The following ZNF483 variants were observed in gnomAD, a reference collection of about 807,000 sequenced individuals.
ZNF483 encodes zinc finger protein 483, also known as zinc finger protein HIT-10.
Under a neutral mutation model 28.6 loss-of-function variants are expected in ZNF483, and 9 were observed. The ratio of observed to expected loss-of-function variants is 0.32; its 90% CI spans 0.19 to 0.55. The LOEUF is 0.55. Ranked by LOEUF, ZNF483 falls within the 20% of genes least tolerant of loss-of-function variation. ZNF483 has a pLI of 0.93. For synonymous variants in ZNF483, 322 were observed against 306.2 expected (o/e 1.05, Z -0.54); for missense variants, 675 against 871.7 (o/e 0.77, Z 2.84).
chr9:111,561,108 T>TAGAGAGAG lies in ZNF483; in HGVS notation c.722-15256_722-15255insGAGAGAGA, dbSNP rs1468727296. Among the ~76,000 whole-genome samples the TAGAGAGAG allele has an allele frequency of 2.3e-3, 47 of 20,858 alleles. 1 individual carries two copies. The highest frequency in any genetic ancestry group is 3.5e-3 in the African/African-American group (9 of 2,556). The allele number at this position is 20,858 out of a possible 152,430, so 13.7% of individuals were successfully genotyped here. A position where few individuals can be genotyped will look rare whatever the true frequency, so the allele number is the denominator to read the frequency against. ...AAATATATATATATATATATATATA[T>TAGAGAGAG]ATAGAGAGAGAGAGAGAGAGAGAGA... On this transcript the variant is annotated intron_variant, in intron 5 of 5. Transcript: ENST00000358151.
intron 5 of ZNF483, among the ~76,000 whole-genome samples, chr9:111,560,926 G>C (rs1473881031): frequency 7.4e-6 from 1 of 135,110 alleles, no homozygotes; most frequent in Non-Finnish European, 1.6e-5. Context: ...CTGGGCAACA[G>C]AGTGAGACTC....
chr9:111,559,290 T>A (rs1828208445), downstream of ZNF483, among the ~76,000 whole-genome samples: 1 of 152,102 alleles, frequency 6.6e-6, no homozygotes, highest in Non-Finnish European at 1.5e-5. Flanking sequence ...TTAAACTCCA[T>A]GCCAAGCTGC....
intron 3 of ZNF483, 78 bp downstream of exon 3, chr9:111,531,041 A>T: frequency 1.5e-6 from 1 of 651,766 alleles, no homozygotes; most frequent in Non-Finnish European, 2.4e-6. Context: ...AGATATAAAA[A>T]TAAAAGGCTA....
intron 5 of ZNF483, among the ~76,000 whole-genome samples, chr9:111,570,962 G>A (rs1564613552): frequency 6.6e-6 from 1 of 152,200 alleles, no homozygotes; most frequent in Non-Finnish European, 1.5e-5. Flanking sequence ...AAGAGCCTAT[G>A]CCCCTGGCTT....
Position 111,527,614 on chromosome 9 carries a change from C to A in ZNF483, c.219C>A (p.Leu73=), listed in dbSNP as rs1827214214. 1.2e-6 allele frequency: 2 copies of A among 1,614,074 alleles called. No individual in the cohort carries two copies. Among genetic ancestry groups the A allele is most frequent in the African/African-American group, 1.3e-5 (1 of 74,942 alleles). Residue 73 remains leucine (L), a synonymous_variant, in exon 2 of 6, where the codon CTC becomes CTA. Coordinates refer to ENST00000309235, the MANE Select transcript of ZNF483 (RefSeq NM_133464.5). ...VAGPRKALSQ[L]WELCNQWLRP... is the part of the protein sequence containing the mutation. ...GACCCAGGAAAGCTCTGAGTCAACT[C>A]TGGGAGCTCTGCAATCAGTGGCTGA...
rs1209911072 is a variant in ZNF483, at chr9:111,554,385, C to A, written c.*11215C>A. ...ACTTAAAGGGAGGCTTGAAATACAG[C>A]TTTCCCCTCATTGTGGTGAGCACAT... On this transcript the variant is annotated 3_prime_UTR_variant, in exon 6 of 6. Coordinates refer to ENST00000309235, the MANE Select transcript of ZNF483 (RefSeq NM_133464.5). Among the ~76,000 whole-genome samples, 1 of 152,204 alleles carries A rather than the reference C, an allele frequency of 6.6e-6. No homozygotes were observed. Among genetic ancestry groups the A allele is most frequent in the Non-Finnish European group, 1.5e-5 (1 of 68,038 alleles).
At chr9:111,528,578 T>G (rs1827239546) in intron 2 of ZNF483, among the ~76,000 whole-genome samples, 1 of 152,302 alleles carries the variant, frequency 6.6e-6, no homozygotes, top group South Asian at 2.1e-4. Context: ...ATGATACAAA[T>G]ATTTGTATTT....
At position 111,549,149 on chromosome 9, in the gene ZNF483, T is replaced by C. The variant is rs1827868469; in HGVS notation, c.*5979T>C. Among the ~76,000 whole-genome samples, 1 of 152,172 alleles carries C rather than the reference T, an allele frequency of 6.6e-6. No individual in the cohort carries two copies. On this transcript the variant is annotated 3_prime_UTR_variant, in exon 6 of 6. Transcript: ENST00000309235. The stretch of plus-strand genomic sequence containing the variant: ...TAGAGAGTCACTGAGTCACTGGAGG[T>C]TCTCTGTGTGTGTGAGTGTATAAAT...
chr9:111,571,929 C>T lies in ZNF483; in HGVS notation c.722-4436C>T, dbSNP rs548290916. 1.2e-4 allele frequency among the ~76,000 whole-genome samples: 19 copies of T among 152,294 alleles called. No individual in the cohort carries two copies. The South Asian group carries it at 3.9e-3, about 32-fold the overall frequency. On this transcript the variant is annotated intron_variant, in intron 5 of 5. Transcript: ENST00000358151. ...CTGCAGCCTGTAAAGAAGATACTACCCTTCTGCGTGTAAGGAAGAAAAAGT... is the reference window on the plus strand; with the variant it reads ...CTGCAGCCTGTAAAGAAGATACTACTCTTCTGCGTGTAAGGAAGAAAAAGT...
Position 111,527,362 on chromosome 9 carries a change from T to G in ZNF483, c.-34T>G, listed in dbSNP as rs747661317. 1.9e-6 allele frequency: 3 copies of G among 1,600,348 alleles called. No homozygotes were observed. ...GGACTGTACTGATACTCAACTAGAG[T>G]GTGAAGGGACTGGATTCCTGCCCCT... On this transcript the variant is annotated 5_prime_UTR_variant, in exon 2 of 6. Transcript: ENST00000309235.
At chr9:111,534,114 A>ATT (rs1431202413) in intron 4 of ZNF483, 147 bp from the exon 5 acceptor site, 1 of 797,476 alleles carries the variant, frequency 1.3e-6, no homozygotes, top group Non-Finnish European at 2.0e-6. Context: ...ACCTTTTCCC[A>ATT]TTTTTGTCTC....
At chr9:111,557,340 C>T (rs190593859), downstream of ZNF483, among the ~76,000 whole-genome samples, 147 of 151,578 alleles carry the variant, frequency 9.7e-4, no homozygotes, top group Non-Finnish European at 1.6e-3. Flanking sequence ...TGCCACTGCA[C>T]TCCAGTTTGG....
At chr9:111,576,646 C>G (rs1305967925) in exon 6 of ZNF483, 1 of 499,318 alleles carries the variant, frequency 2.0e-6, no homozygotes, top group African/African-American at 1.9e-5. Context: ...TTAAGGATTT[C>G]AGATTATAGT....
chr9:111,543,942 T>A lies in ZNF483; in HGVS notation c.*772T>A. 1.0e-6 allele frequency: 1 copy of A among 985,384 alleles called. No individual in the cohort carries two copies. The allele number at this position is 985,384 out of a possible 1,614,324, so 61.0% of individuals were successfully genotyped here. ...GTTCCTAGGATGCTGGACTTCTAGC[T>A]TAGTGAGAATGCAGTATACTTTTTG... On this transcript the variant is annotated 3_prime_UTR_variant, in exon 6 of 6. Transcript: ENST00000309235.
At chr9:111,527,832 A>G in intron 2 of ZNF483, 25 bp downstream of exon 2, 1 of 1,614,052 alleles carries the variant, frequency 6.2e-7, no homozygotes, top group Non-Finnish European at 8.5e-7. Context: ...TGGAGGGAGG[A>G]AGCGGGAGAC....
chr9:111,556,373 G>A (rs566829847), downstream of ZNF483, among the ~76,000 whole-genome samples: 42 of 152,366 alleles, frequency 2.8e-4, no homozygotes, highest in African/African-American at 1.0e-3. Flanking sequence ...CTACCATTCT[G>A]GGGTATGGAG....
At chr9:111,575,716 C>T (rs1829025949) in intron 5 of ZNF483, among the ~76,000 whole-genome samples, 1 of 152,130 alleles carries the variant, frequency 6.6e-6, no homozygotes, top group East Asian at 1.9e-4. Context: ...GCAATTGGGC[C>T]TCTTCCTTAT....
intron 5 of ZNF483, among the ~76,000 whole-genome samples, chr9:111,561,019 GT>G (rs1828282381): frequency 5.4e-5 from 3 of 55,630 alleles, no homozygotes; most frequent in Non-Finnish European, 1.0e-4. Context: ...AGAGAGAGAG[GT>G]GGCAGTGAGT....
intron 5 of ZNF483, among the ~76,000 whole-genome samples, chr9:111,535,634 C>T (rs1450810586): frequency 6.6e-6 from 1 of 152,164 alleles, no homozygotes; most frequent in African/African-American, 2.4e-5. Context: ...ACCTCTGCCT[C>T]CCAGGTTCAA....
Sources: allele counts gnomAD v4.1 joint callset (sites outside exome capture counted in the v4.1 genomes callset), GRCh38; gene constraint gnomAD v4.1.1; transcripts MANE v1.5; gene names NCBI Gene and HGNC (gene_info 2026-07-23, HGNC 2026-07-21).